The following NOL8 variants were observed in gnomAD, a reference collection of about 807,000 sequenced individuals.
NOL8 encodes nucleolar protein Nop132.
In NOL8, 93 loss-of-function variants were observed where a neutral mutation model predicts 116.1. The observed-to-expected ratio is 0.80, with a 90% CI of 0.68 to 0.95. The LOEUF (loss-of-function observed/expected upper bound fraction) is 0.95, where lower values mean the gene tolerates loss of function less well. Among genes scored for constraint, NOL8 ranks in the 40% least tolerant of loss-of-function variants. The pLI is 0.00. For missense variants in NOL8, 1,291 were observed against 1,382.8 expected (o/e 0.93, Z 1.05); for synonymous variants, 419 against 469.0 (o/e 0.89, Z 1.38).
chr9:92,315,192 A>G lies in NOL8; in HGVS notation c.1433T>C (p.Met478Thr). Residue 478 changes from methionine to threonine, a missense_variant, in exon 7 of 17, where the codon ATG (methionine) becomes ACG (threonine). Coordinates refer to ENST00000442668, the MANE Select transcript of NOL8 (RefSeq NM_017948.6). The part of the protein sequence containing the change: ...SEGGEEYNAM[M>T]KNCLRVNLTL... Reference sequence around the variant, plus strand: ...GAGATTCACACGAAGGCAGTTTTTCATCATGGCATTATACTCCTCACCTCC... The same window carrying G: ...GAGATTCACACGAAGGCAGTTTTTCGTCATGGCATTATACTCCTCACCTCC... 2 of 1,614,008 alleles carry G rather than the reference A, an allele frequency of 1.2e-6. No homozygotes were observed. The highest frequency in any genetic ancestry group is 1.7e-6 in the Non-Finnish European group (2 of 1,179,902).
intron 6 of NOL8, 27 bp downstream of exon 6, chr9:92,318,591 T>A: frequency 6.7e-7 from 1 of 1,489,328 alleles, no homozygotes; most frequent in East Asian, 2.3e-5. Context: ...CTGTGGTAAA[T>A]AATTATGTTG....
In NOL8 at chr9:92,301,691, T is replaced by C; in HGVS notation, c.3035A>G (p.Glu1012Gly). 6.2e-7 allele frequency: 1 copy of C among 1,607,790 alleles called. No individual in the cohort carries two copies. The highest frequency in any genetic ancestry group is 8.5e-7 in the Non-Finnish European group (1 of 1,178,268). ...QTTKYTSEKE[E>G]GTPWNEDCGK... ...ACAGTCCTCATTCCAGGGTGTGCCC[T>C]CTTCCTTTTCACTGGTATATTTTGT... Residue 1012 changes from glutamate (E) to glycine (G), a missense_variant, in exon 13 of 17, where the codon GAG becomes GGG. Physicochemically the swap from Glu to Gly is moderately conservative, Grantham distance 98. Transcript: ENST00000442668.
intron 7 of NOL8, 27 bp from the exon 8 acceptor site, chr9:92,311,286 T>C: frequency 1.9e-6 from 3 of 1,550,652 alleles, no homozygotes; most frequent in Non-Finnish European, 2.7e-6. Flanking sequence ...AAGCATTGCA[T>C]CTTAAAAAGA....
intron 12 of NOL8, among the ~76,000 whole-genome samples, chr9:92,303,847 A>G (rs1270746328): frequency 6.6e-6 from 1 of 152,180 alleles, no homozygotes; most frequent in African/African-American, 2.4e-5. Context: ...TGTTCAAACA[A>G]TAGGGCTTCT....
chr9:92,300,704 A>G, intron 13 of NOL8: 1 of 1,101,394 alleles, frequency 9.1e-7, no homozygotes, highest in African/African-American at 1.6e-5. Context: ...TTTTTGAACA[A>G]CTACTAGATT....
Position 92,315,303 on chromosome 9 carries a change from C to A in NOL8, c.1322G>T (p.Gly441Val). 1 of 1,613,928 alleles carries A rather than the reference C, an allele frequency of 6.2e-7. No individual in the cohort carries two copies. Among genetic ancestry groups the A allele is most frequent in the Non-Finnish European group, 8.5e-7 (1 of 1,179,874 alleles). The change falls in exon 7 of 17, where the codon GGA becomes GTA. Residue 441 changes from glycine to valine, a missense_variant. Transcript: ENST00000442668. ...AGATTTACGATTAAGAGACTTTAAT[C>A]CATGACTGAGGGCTGACTCTACATT... ...KSNVESALSH[G>V]LKSLNRKSPS...
chr9:92,310,373 G>T, intron 9 of NOL8, 112 bp from the exon 10 acceptor site: 1 of 1,178,002 alleles, frequency 8.5e-7, no homozygotes, highest in Non-Finnish European at 1.2e-6. Context: ...ACATTAAGAT[G>T]TTTGCCTACC....
At chr9:92,318,174 G>A (rs560405895) in intron 6 of NOL8, among the ~76,000 whole-genome samples, 2 of 151,238 alleles carry the variant, frequency 1.3e-5, no homozygotes, top group South Asian at 4.2e-4. Context: ...CTCACACTCT[G>A]CTCCAAACTA....
chr9:92,303,237 C>CT (rs878891268), intron 12 of NOL8, among the ~76,000 whole-genome samples: 2 of 152,094 alleles, frequency 1.3e-5, no homozygotes, highest in South Asian at 4.1e-4. Context: ...AAGATCAACT[C>CT]TATGACAGCC....
At chr9:92,311,382 C>T (rs1838777500) in intron 7 of NOL8, 123 bp from the exon 8 acceptor site, 1 of 606,862 alleles carries the variant, frequency 1.6e-6, no homozygotes. Context: ...TTCTGCACAG[C>T]AAAAGAAAAA....
intron 4 of NOL8, among the ~76,000 whole-genome samples, chr9:92,320,877 G>T (rs942292562): frequency 1.3e-5 from 2 of 152,158 alleles, no homozygotes; most frequent in Non-Finnish European, 2.9e-5. Context: ...AAAGTGCTGG[G>T]ATTACAGGCG....
At chr9:92,302,682 T>C (rs969195012) in intron 12 of NOL8, among the ~76,000 whole-genome samples, 1 of 152,244 alleles carries the variant, frequency 6.6e-6, no homozygotes, top group Non-Finnish European at 1.5e-5. Flanking sequence ...CAAAAACTCT[T>C]TGTTACTTCT....
chr9:92,324,490 T>C lies in NOL8; in HGVS notation c.-48-281A>G, dbSNP rs534209105. The stretch of plus-strand genomic sequence containing the variant: ...TATTACACTCTATCCCTCTTAATTT[T>C]ATGTATTCATGTTTTTAGATGTTTT... On this transcript the variant is annotated intron_variant, in intron 1 of 16. Coordinates refer to ENST00000442668, the MANE Select transcript of NOL8 (RefSeq NM_017948.6). The C allele has an allele frequency of 2.6e-4, 48 of 187,920 alleles. 1 individual carries two copies. The highest frequency in any genetic ancestry group is 2.0e-3 in the Middle Eastern group (1 of 492). 11.6% of individuals were successfully genotyped at this position (187,920 alleles called of 1,614,324 possible). A position where few individuals can be genotyped will look rare whatever the true frequency, so the allele number is the denominator to read the frequency against.
intron 11 of NOL8, among the ~76,000 whole-genome samples, chr9:92,306,182 C>T (rs1022598639): frequency 2.0e-5 from 3 of 151,996 alleles, no homozygotes; most frequent in Non-Finnish European, 1.5e-5. Flanking sequence ...TTAGTAGAGA[C>T]GGGGTTTCAC....
chr9:92,311,089 G>T, intron 8 of NOL8, 57 bp downstream of exon 8: 1 of 1,340,084 alleles, frequency 7.5e-7, no homozygotes, highest in Non-Finnish European at 1.1e-6. Context: ...CCAGTTGTTT[G>T]TGGTGTGGAT....
Position 92,323,503 on chromosome 9 carries a change from C to A in NOL8, c.140G>T (p.Gly47Val). 2 of 1,597,452 alleles carry A rather than the reference C, an allele frequency of 1.3e-6. No individual in the cohort carries two copies. The highest frequency in any genetic ancestry group is 1.7e-6 in the Non-Finnish European group (2 of 1,172,832). ...VEIITRKDDQ[G>V]NPQKVFAYIN... The stretch of plus-strand genomic sequence containing the variant: ...ATATGCAAAAACTTTCTGTGGGTTT[C>A]CTAAAAAACAAACAAACAAACAAAC... The change falls in exon 3 of 17, where the codon GGA (glycine) becomes GTA (valine). Residue 47 changes from glycine (G) to valine (V), a missense_variant and splice_region_variant. Gly to Val is a moderately radical substitution (Grantham distance 109). Coordinates refer to ENST00000442668, the MANE Select transcript of NOL8 (RefSeq NM_017948.6).
chr9:92,306,809 C>A, intron 11 of NOL8, 77 bp downstream of exon 11: 1 of 1,407,018 alleles, frequency 7.1e-7, no homozygotes. Context: ...TAAAAGAGAC[C>A]TAGTTTTAAA....
chr9:92,314,227 C>T (rs1839132176), intron 7 of NOL8, 40 bp downstream of exon 7: 1 of 1,504,982 alleles, frequency 6.6e-7, no homozygotes, highest in East Asian at 2.3e-5. Flanking sequence ...GCTGAACTTT[C>T]TGAGTTCTTG....
chr9:92,299,921 C>T lies in NOL8; in HGVS notation c.3271G>A (p.Glu1091Lys), dbSNP rs1837584498. The change falls in exon 14 of 17, where the codon GAA becomes AAA. Residue 1091 changes from glutamate (E) to lysine (K), a missense_variant. Transcript: ENST00000442668. ...DSSSEEEDVT[E>K]ETDHRNSSPG... ...CTGGAGTTTCTGTGATCTGTTTCTT[C>T]AGTAACATCTTCCTCTTCTGAACTG... is the stretch of plus-strand genomic sequence containing the variant. The T allele has an allele frequency of 1.2e-6, 2 of 1,613,400 alleles. No individual in the cohort carries two copies. The highest frequency in any genetic ancestry group is 1.3e-5 in the African/African-American group (1 of 74,906).
Sources: gnomAD v4.1 joint callset for allele counts (sites outside exome capture counted in the v4.1 genomes callset) on GRCh38, gnomAD v4.1.1 for gene constraint, MANE v1.5 for transcripts, NCBI Gene and HGNC (gene_info 2026-07-23, HGNC 2026-07-21) for gene names.